Variants in ETS2 observed in about 807,000 individuals in gnomAD.
ETS2 encodes protein C-ets-2.
In ETS2, 19 loss-of-function variants were observed where a neutral mutation model predicts 54.9. The ratio of observed to expected loss-of-function variants is 0.35; its 90% CI spans 0.24 to 0.51. The LOEUF (loss-of-function observed/expected upper bound fraction) is 0.51. ETS2 is among the 20% of genes least tolerant of loss of function. The pLI is 0.97. For missense variants in ETS2, 417 were observed against 593.0 expected (o/e 0.70, Z 3.08); for synonymous variants, 219 against 229.3 (o/e 0.95, Z 0.41).
chr21:38,810,205 C>T (rs963923951), intron 2 of ETS2, 99 bp downstream of exon 2: 2 of 670,726 alleles, frequency 3.0e-6, no homozygotes, highest in Non-Finnish European at 4.9e-6. Flanking sequence ...GGTTGTAGCC[C>T]TAGCTTCTTA....
chr21:38,809,866 C>A, intron 1 of ETS2, 169 bp from the exon 2 acceptor site: 1 of 549,804 alleles, frequency 1.8e-6, no homozygotes, highest in Non-Finnish European at 3.2e-6. Context: ...AAATGCTTTC[C>A]TCTTGAGACC....
At chr21:38,810,391 TA>T (rs1293987625) in intron 2 of ETS2, among the ~76,000 whole-genome samples, 1 of 152,164 alleles carries the variant, frequency 6.6e-6, no homozygotes, top group Non-Finnish European at 1.5e-5. Flanking sequence ...TAACTCCCAA[TA>T]AAACAGCTGG....
chr21:38,813,922 A>G (rs2123413698), intron 3 of ETS2, among the ~76,000 whole-genome samples: 1 of 152,332 alleles, frequency 6.6e-6, no homozygotes, highest in South Asian at 2.1e-4. Context: ...CTTCCAAATG[A>G]TACAGTCCCT....
rs371820145 is a variant in ETS2 at position 38,818,413 on chromosome 21, G to C, written c.590-12G>C. ...ACTTTAAGAGCTCTGCCGTCCGATT[G>C]TTCTGTTCCAGGTTTTGGCACAGAG... On this transcript the variant is annotated splice_polypyrimidine_tract_variant and intron_variant, in intron 6 of 9. Transcript: ENST00000360938. 5.6e-5 allele frequency: 90 copies of C among 1,613,798 alleles called. No homozygotes were observed. Among genetic ancestry groups the C allele is most frequent in the Non-Finnish European group, 6.9e-5 (82 of 1,180,028 alleles).
upstream of ETS2, chr21:38,805,527 G>T (rs1352650130): frequency 4.7e-6 from 6 of 1,287,092 alleles, no homozygotes; most frequent in Middle Eastern, 3.1e-4. This position sits in a 1 kb window ranked among gnomAD's most constrained non-coding sequence, Gnocchi z 5.2. Flanking sequence ...GCGCACACTC[G>T]CGCGCACGTG....
At chr21:38,805,350 G>A (rs770068252), upstream of ETS2, 1 of 1,288,736 alleles carries the variant, frequency 7.8e-7, no homozygotes, top group Non-Finnish European at 1.0e-6. The surrounding 1 kb of genome is among the most constrained non-coding windows in gnomAD (Gnocchi z 5.2). Flanking sequence ...TTCAAGAATG[G>A]GGTCGGCTCA....
At chr21:38,817,971 A>C (rs1255279016) in intron 6 of ETS2, among the ~76,000 whole-genome samples, 1 of 152,222 alleles carries the variant, frequency 6.6e-6, no homozygotes, top group East Asian at 1.9e-4. Context: ...ATTATTCTGC[A>C]ATGAACAGAG....
rs34873733 is a variant in ETS2, at chr21:38,819,087, TC to T, written c.812-410del. ...TTCGTACCCCTTCCCATCAATAATG[TC>T]CCCCCGACAGAAGGGAACGATTCTG... is the stretch of plus-strand genomic sequence containing the variant. On this transcript the variant is annotated intron_variant, in intron 7 of 9. Coordinates refer to ENST00000360938, the MANE Select transcript of ETS2 (RefSeq NM_005239.6). Among the ~76,000 whole-genome samples, 203 of 152,210 alleles carry T rather than the reference TC, an allele frequency of 1.3e-3. 1 individual carries two copies. The highest frequency in any genetic ancestry group is 2.5e-3 in the Non-Finnish European group (170 of 68,018).
chr21:38,822,657 A>G lies in ETS2; in HGVS notation c.1195-17A>G. The G allele has an allele frequency of 1.9e-6, 3 of 1,601,556 alleles. No homozygotes were observed. Among genetic ancestry groups the G allele is most frequent in the Non-Finnish European group, 2.6e-6 (3 of 1,171,082 alleles). ...GACAAATTGAGTTTAACTCTTTTCC[A>G]TCCATGTTCACCAAAGGTGGCCCGC... On this transcript the variant is annotated splice_polypyrimidine_tract_variant and intron_variant, in intron 9 of 9. Transcript: ENST00000360938.
chr21:38,806,129 T>A lies in ETS2; in HGVS notation c.-1+9T>A. ...CTGCCCGCAGCGGCAGGGTAAGAGC[T>A]GGGCCCGCAGAGAGCGCCCGGCGCG... is the stretch of plus-strand genomic sequence containing the variant. On this transcript the variant is annotated intron_variant, in intron 1 of 9. Transcript: ENST00000360938. The surrounding 1 kb of genome is among the most constrained non-coding windows in gnomAD (Gnocchi z 4.3). The A allele has an allele frequency of 9.8e-7, 1 of 1,023,880 alleles. No individual in the cohort carries two copies. The highest frequency in any genetic ancestry group is 1.2e-6 in the Non-Finnish European group (1 of 854,370). The allele number at this position is 1,023,880 out of a possible 1,614,324, so 63.4% of individuals were successfully genotyped here. A position where few individuals can be genotyped will look rare whatever the true frequency, so the allele number is the denominator to read the frequency against.
At chr21:38,807,731 A>T (rs1406713876) in intron 1 of ETS2, among the ~76,000 whole-genome samples, 11 of 152,190 alleles carry the variant, frequency 7.2e-5, no homozygotes, top group Non-Finnish European at 1.6e-4. Flanking sequence ...AAAGCTGGGG[A>T]GAGCTTTTCC....
intron 2 of ETS2, among the ~76,000 whole-genome samples, chr21:38,811,872 A>T (rs186269053): frequency 6.6e-6 from 1 of 152,234 alleles, no homozygotes; most frequent in East Asian, 1.9e-4. Context: ...GTTTTAAGCA[A>T]CAGGGTCCTT....
At chr21:38,820,773 G>A (rs984776861) in intron 8 of ETS2, among the ~76,000 whole-genome samples, 3 of 152,204 alleles carry the variant, frequency 2.0e-5, no homozygotes, top group East Asian at 1.9e-4. Flanking sequence ...TATTGATAAC[G>A]GCCATTGCGT....
In ETS2 at chr21:38,814,278, G is replaced by A. The variant is rs34373350; in HGVS notation, c.190G>A (p.Ala64Thr). 5,160 of 1,613,808 alleles carry A rather than the reference G, an allele frequency of 3.2e-3. 23 individuals carry two copies. The highest frequency in any genetic ancestry group is 0.024 in the African/African-American group (1,800 of 74,976). Residue 64 changes from alanine (A) to threonine (T), a missense_variant, in exon 4 of 10, where the codon GCC becomes ACC. By Grantham distance (58) the Ala-to-Thr change is moderately conservative. This residue lies in a region of ETS2 where 326 missense variants were observed against 426.1 expected (regional missense o/e 0.76). Coordinates refer to ENST00000360938, the MANE Select transcript of ETS2 (RefSeq NM_005239.6). The surrounding 1 kb of genome is among the most constrained non-coding windows in gnomAD (Gnocchi z 4.2). Reference protein sequence around the residue: ...TGLDSISHDSANCELPLLTPC... With the variant: ...TGLDSISHDSTNCELPLLTPC... ...CATGGGGGGTTTCCTTCCAGACTCC[G>A]CCAACTGTGAATTGCCTTTGTTAAC...
intron 8 of ETS2, among the ~76,000 whole-genome samples, chr21:38,820,798 T>A (rs1180768810): frequency 2.6e-5 from 4 of 152,206 alleles, no homozygotes; most frequent in Non-Finnish European, 5.9e-5. Context: ...GAGGAAGAGC[T>A]ATTTGGTAGA....
At chr21:38,810,166 G>GA (rs1276564293) in intron 2 of ETS2, 60 bp downstream of exon 2, 64 of 1,021,840 alleles carry the variant, frequency 6.3e-5, no homozygotes, top group South Asian at 1.0e-4. Context: ...TAGGAGGAAA[G>GA]AAAAAAAAGG....
At chr21:38,805,575 G>A (rs368186095), upstream of ETS2, 87 of 1,278,092 alleles carry the variant, frequency 6.8e-5, no homozygotes, top group East Asian at 3.6e-3. The surrounding 1 kb of genome is among the most constrained non-coding windows in gnomAD (Gnocchi z 5.2). Flanking sequence ...AGGGCCAGCC[G>A]GCGAGGGACC....
rs1024523164 is a variant in ETS2 at position 38,821,498 on chromosome 21, A to G, written c.1076-88A>G. 6 of 968,182 alleles carry G rather than the reference A, an allele frequency of 6.2e-6. No individual in the cohort carries two copies. The highest frequency in any genetic ancestry group is 9.9e-6 in the Non-Finnish European group (6 of 606,818). The allele number at this position is 968,182 out of a possible 1,614,324, so 60.0% of individuals were successfully genotyped here. On this transcript the variant is annotated intron_variant, in intron 8 of 9. Transcript: ENST00000360938. The surrounding 1 kb of genome is among the most constrained non-coding windows in gnomAD (Gnocchi z 4.2). ...CAGAGAGTTGGGTCTGCATTCCTAAATCAGCATGTACAATTAGGATGGTTA... is the reference window on the plus strand; with the variant it reads ...CAGAGAGTTGGGTCTGCATTCCTAAGTCAGCATGTACAATTAGGATGGTTA...
At position 38,822,899 on chromosome 21, in the gene ETS2, G is replaced by C; in HGVS notation, c.*10G>C. ...CGACACGGAGGACTGAGGTCGCCGG[G>C]ACCACCCTGAGCCGGCCCCAGGCTC... On this transcript the variant is annotated 3_prime_UTR_variant, in exon 10 of 10. Coordinates refer to ENST00000360938, the MANE Select transcript of ETS2 (RefSeq NM_005239.6). 6.4e-7 allele frequency: 1 copy of C among 1,555,378 alleles called. No homozygotes were observed. Among genetic ancestry groups the C allele is most frequent in the Non-Finnish European group, 8.7e-7 (1 of 1,148,322 alleles).
Sources: gnomAD v4.1 joint callset for allele counts (sites outside exome capture counted in the v4.1 genomes callset) on GRCh38, gnomAD v4.1.1 for gene constraint, gnomAD v4.1.1 regional missense constraint, Gnocchi (gnomAD v3.1) non-coding constraint, MANE v1.5 for transcripts, NCBI Gene and HGNC (gene_info 2026-07-23, HGNC 2026-07-21) for gene names.